Variants in TRABD2B observed in about 807,000 individuals in gnomAD.
TRABD2B encodes the protein TraB domain containing 2B, also known as metalloprotease TIKI2.
In TRABD2B, 14 loss-of-function variants were observed where a neutral mutation model predicts 40.1. The observed-to-expected ratio is 0.35, with a 90% CI of 0.23 to 0.55. TRABD2B has a LOEUF of 0.55. TRABD2B is among the 20% of genes least tolerant of loss of function. The probability of loss-of-function intolerance (pLI) is 0.90; values close to 1 mark genes in which losing one functional copy is unlikely to be tolerated. For missense variants in TRABD2B, 541 were observed against 648.6 expected (o/e 0.83, Z 1.80); for synonymous variants, 263 against 277.0 (o/e 0.95, Z 0.50).
At chr1:47,890,743 C>T (rs1002473428) in intron 2 of TRABD2B, among the ~76,000 whole-genome samples, 10 of 152,300 alleles carry the variant, frequency 6.6e-5, no homozygotes, top group Middle Eastern at 3.4e-3. Flanking sequence ...GTCCCTTTAA[C>T]GTTCATTCAA....
intron 2 of TRABD2B, among the ~76,000 whole-genome samples, chr1:47,973,937 C>T (rs1487570783): frequency 6.6e-6 from 1 of 152,096 alleles, no homozygotes; most frequent in Admixed American, 6.6e-5. Flanking sequence ...GATCCCATCA[C>T]TACAAAAAAT....
intron 2 of TRABD2B, among the ~76,000 whole-genome samples, chr1:47,863,394 A>ATATATATATATATATATATATATATAT (rs1396681662): frequency 4.6e-3 from 603 of 130,330 alleles, no homozygotes; most frequent in Non-Finnish European, 6.3e-3. Context: ...ATATATATAT[A>ATATATATATATATATATATATATATAT]ATCTCTTAAA....
rs185581667 is a variant in TRABD2B, at chr1:47,762,306, G to A, written c.*3596C>T. On this transcript the variant is annotated 3_prime_UTR_variant, in exon 7 of 7. Transcript: ENST00000606738. ...AGCGGACACTTCAGGGTGAGGCTGA[G>A]GACTCTGGTTCTTATCTCACAGTCA... 6 of 152,312 alleles carry A rather than the reference G, an allele frequency of 3.9e-5. No homozygotes were observed. The East Asian group carries it at 1.2e-3, about 29-fold the overall frequency. The allele number at this position is 152,312 out of a possible 1,614,324, so 9.4% of individuals were successfully genotyped here. A position where few individuals can be genotyped will look rare whatever the true frequency, so the allele number is the denominator to read the frequency against.
chr1:47,787,608 C>CT (rs1465390813), intron 4 of TRABD2B, among the ~76,000 whole-genome samples: 1 of 152,172 alleles, frequency 6.6e-6, no homozygotes, highest in Non-Finnish European at 1.5e-5. Flanking sequence ...TTCCTTAGGT[C>CT]TTTTCACCTG....
Position 47,764,999 on chromosome 1 carries a change from CT to C in TRABD2B, c.*902del, listed in dbSNP as rs1207878003. ...TTAACATCATGTGAGGCCTAAGCCC[CT>C]GTCTCTAAAACTGCCCTCCTGTGCC... On this transcript the variant is annotated 3_prime_UTR_variant, in exon 7 of 7. Transcript: ENST00000606738. 1 of 152,248 alleles carries C rather than the reference CT, an allele frequency of 6.6e-6. No individual in the cohort carries two copies. The highest frequency in any genetic ancestry group is 2.4e-5 in the African/African-American group (1 of 41,462). The allele number at this position is 152,248 out of a possible 1,614,324, so 9.4% of individuals were successfully genotyped here. A position where few individuals can be genotyped will look rare whatever the true frequency, so the allele number is the denominator to read the frequency against.
At chr1:47,876,803 A>T (rs1644231742) in intron 2 of TRABD2B, among the ~76,000 whole-genome samples, 1 of 152,136 alleles carries the variant, frequency 6.6e-6, no homozygotes, top group Non-Finnish European at 1.5e-5. Context: ...TTATATACGC[A>T]CATACTAAGC....
intron 2 of TRABD2B, among the ~76,000 whole-genome samples, chr1:47,942,295 A>T (rs1403633264): frequency 6.6e-6 from 1 of 152,202 alleles, no homozygotes; most frequent in African/African-American, 2.4e-5. Flanking sequence ...TAAGCATGGC[A>T]GTTCCTAGGC....
chr1:47,809,418 A>AC (rs903200690), intron 2 of TRABD2B, among the ~76,000 whole-genome samples: 7 of 151,782 alleles, frequency 4.6e-5, no homozygotes, highest in African/African-American at 1.5e-4. Flanking sequence ...CCGTCACAGG[A>AC]CCCCCACCCT....
In TRABD2B at chr1:47,764,081, CA is replaced by C. The variant is rs1644273004; in HGVS notation, c.*1820del. 1 of 152,238 alleles carries C rather than the reference CA, an allele frequency of 6.6e-6. No individual in the cohort carries two copies. The highest frequency in any genetic ancestry group is 2.1e-4 in the South Asian group (1 of 4,834). The allele number at this position is 152,238 out of a possible 1,614,324, so 9.4% of individuals were successfully genotyped here. On this transcript the variant is annotated 3_prime_UTR_variant, in exon 7 of 7. Transcript: ENST00000606738. The stretch of plus-strand genomic sequence containing the variant: ...CCAAGATGCCCGTGGGACTCCTGAC[CA>C]TCCCATGAGCTGCCCAGAACTTGCC...
intron 2 of TRABD2B, among the ~76,000 whole-genome samples, chr1:47,932,419 T>C (rs947735494): frequency 6.6e-6 from 1 of 152,122 alleles, no homozygotes; most frequent in Non-Finnish European, 1.5e-5. Context: ...TGGAAGGCAG[T>C]GAGGACAGAC....
At chr1:47,775,687 T>C (rs1277424605) in intron 5 of TRABD2B, among the ~76,000 whole-genome samples, 3 of 152,190 alleles carry the variant, frequency 2.0e-5, no homozygotes, top group Non-Finnish European at 4.4e-5. Context: ...GGCACTTTTT[T>C]AGGAGGTAGG....
At chr1:47,897,033 G>T (rs1271081151) in intron 2 of TRABD2B, among the ~76,000 whole-genome samples, 1 of 152,206 alleles carries the variant, frequency 6.6e-6, no homozygotes, top group Non-Finnish European at 1.5e-5. Flanking sequence ...GGATGTGATA[G>T]GGTAAGATGG....
At chr1:47,983,854 T>C (rs1466935751) in intron 2 of TRABD2B, among the ~76,000 whole-genome samples, 41 of 152,026 alleles carry the variant, frequency 2.7e-4, no homozygotes, top group Non-Finnish European at 1.5e-5. Context: ...GAAAAGCCTC[T>C]GGAAATTGCA....
intron 2 of TRABD2B, among the ~76,000 whole-genome samples, chr1:47,950,296 A>G (rs1645323732): frequency 6.6e-6 from 1 of 152,154 alleles, no homozygotes; most frequent in Admixed American, 6.5e-5. Context: ...AAAGAAAAAA[A>G]AAATAATAAT....
chr1:47,992,800 C>T (rs1241360868), intron 2 of TRABD2B, among the ~76,000 whole-genome samples: 1 of 152,226 alleles, frequency 6.6e-6, no homozygotes, highest in African/African-American at 2.4e-5. Flanking sequence ...GCGTGACTAA[C>T]TGCCCCAATA....
chr1:47,762,823 G>GA lies in TRABD2B; in HGVS notation c.*3078dup, dbSNP rs1644257984. On this transcript the variant is annotated 3_prime_UTR_variant, in exon 7 of 7. Coordinates refer to ENST00000606738, the MANE Select transcript of TRABD2B (RefSeq NM_001194986.2). ...TGCATCAGACCCACCACTGGAGGAA[G>GA]ACCTGGGGACATGGCCATTCCAACA... The GA allele has an allele frequency of 6.6e-6, 1 of 152,174 alleles. No homozygotes were observed. Among genetic ancestry groups the GA allele is most frequent in the Non-Finnish European group, 1.5e-5 (1 of 68,044 alleles). 9.4% of individuals were successfully genotyped at this position (152,174 alleles called of 1,614,324 possible). A position where few individuals can be genotyped will look rare whatever the true frequency, so the allele number is the denominator to read the frequency against.
chr1:47,958,983 G>A (rs564045863), intron 2 of TRABD2B, among the ~76,000 whole-genome samples: 1 of 152,272 alleles, frequency 6.6e-6, no homozygotes, highest in Non-Finnish European at 1.5e-5. Context: ...CTCAGCAAAT[G>A]TAAAAGAACA....
At chr1:47,965,236 T>TGGGGGGGGGGGGGG (rs1645585082) in intron 2 of TRABD2B, among the ~76,000 whole-genome samples, 1 of 3,266 alleles carries the variant, frequency 3.1e-4, no homozygotes, top group African/African-American at 1.3e-3. Flanking sequence ...GGGGGGTGGA[T>TGGGGGGGGGGGGGG]GGGGAGGTGG....
At chr1:47,774,758 A>T (rs1277310477) in intron 6 of TRABD2B, among the ~76,000 whole-genome samples, 1 of 152,220 alleles carries the variant, frequency 6.6e-6, no homozygotes. Flanking sequence ...CCTCCCTGCC[A>T]GGGTGTCGGC....
Sources: gnomAD v4.1 joint callset for allele counts (sites outside exome capture counted in the v4.1 genomes callset) on GRCh38, gnomAD v4.1.1 for gene constraint, MANE v1.5 for transcripts, NCBI Gene and HGNC (gene_info 2026-07-23, HGNC 2026-07-21) for gene names.